CNTNAP4: variants seen among roughly 807,000 people sequenced by gnomAD.
CNTNAP4 encodes contactin associated protein family member 4, also known as contactin-associated protein-like 4.
In CNTNAP4, 98 loss-of-function variants were observed where a neutral mutation model predicts 148.4. The observed-to-expected ratio is 0.66, with a 90% CI of 0.56 to 0.78. The LOEUF is 0.78. CNTNAP4 is among the 30% of genes least tolerant of loss of function. The pLI is 0.00. For missense variants in CNTNAP4, 1,935 were observed against 1,565.6 expected (o/e 1.24, Z -3.98); for synonymous variants, 730 against 565.1 (o/e 1.29, Z -4.14).
At chr16:76,283,171 A>G (rs1768971480) in intron 1 of CNTNAP4, among the ~76,000 whole-genome samples, 1 of 151,958 alleles carries the variant, frequency 6.6e-6, no homozygotes, top group South Asian at 2.1e-4. Context: ...AAAATAGAAT[A>G]TCAGCTCTGC....
At chr16:76,553,054 CAT>C (rs1329085912) in intron 21 of CNTNAP4, among the ~76,000 whole-genome samples, 2 of 152,158 alleles carry the variant, frequency 1.3e-5, no homozygotes, top group Admixed American at 1.3e-4. Flanking sequence ...GGGAGCTTAC[CAT>C]ATCACTTTTA....
rs140181281 is a variant in CNTNAP4 at position 76,489,117 on chromosome 16, G to T, written c.1883-569G>T. Among the ~76,000 whole-genome samples the T allele has an allele frequency of 1.1e-3, 161 of 152,046 alleles. 1 individual carries two copies. Among genetic ancestry groups the T allele is most frequent in the African/African-American group, 3.7e-3 (153 of 41,476 alleles). ...GTTGATTAAGGAGAGGTATATAGAG[G>T]GCTACAAAATTTTGACTTTATTTTT... is the stretch of plus-strand genomic sequence containing the variant. On this transcript the variant is annotated intron_variant, in intron 12 of 23. Transcript: ENST00000611870.
In CNTNAP4 at chr16:76,522,068, G is replaced by C; in HGVS notation, c.2566G>C (p.Val856Leu). Reference sequence around the variant, plus strand: ...GACAGTAGTGACTTTTTCATTTGATGTGGGGAATGGGCCTTTTGAAATCTC... The same window carrying C: ...GACAGTAGTGACTTTTTCATTTGATCTGGGGAATGGGCCTTTTGAAATCTC... The part of the protein sequence containing the change: ...SPTVVTFSFD[V>L]GNGPFEISVQ... Residue 856 changes from valine (V) to leucine (L), a missense_variant, in exon 17 of 24, where the codon GTG becomes CTG. Coordinates refer to ENST00000611870, the MANE Select transcript of CNTNAP4 (RefSeq NM_033401.5). 6.2e-7 allele frequency: 1 copy of C among 1,613,882 alleles called. No homozygotes were observed. Among genetic ancestry groups the C allele is most frequent in the Non-Finnish European group, 8.5e-7 (1 of 1,179,824 alleles).
chr16:76,398,336 T>C (rs145082362), intron 3 of CNTNAP4, among the ~76,000 whole-genome samples: 14 of 152,112 alleles, frequency 9.2e-5, no homozygotes, highest in Admixed American at 2.0e-4. Flanking sequence ...ATACTTTGCA[T>C]CCTTCAGTCA....
intron 4 of CNTNAP4, among the ~76,000 whole-genome samples, chr16:76,446,562 T>C (rs1207571286): frequency 6.6e-6 from 1 of 152,116 alleles, no homozygotes; most frequent in African/African-American, 2.4e-5. Flanking sequence ...ATTTTGACAA[T>C]AAGTAGATAA....
Position 76,553,354 on chromosome 16 carries a change from C to A in CNTNAP4, c.3514C>A (p.Gln1172Lys). ...QGFTGCLSAV[Q>K]LSHVAPLKAA... is the part of the protein sequence containing the mutation. ...CTTCACAGGCTGCCTCTCTGCAGTGCAGCTCAGCCACGTGGCCCCTCTGAA... is the reference window on the plus strand; with the variant it reads ...CTTCACAGGCTGCCTCTCTGCAGTGAAGCTCAGCCACGTGGCCCCTCTGAA... The change falls in exon 22 of 24, where the codon CAG becomes AAG. Residue 1172 changes from glutamine (Q) to lysine (K), a missense_variant. By Grantham distance (53) the Gln-to-Lys change is moderately conservative. Coordinates refer to ENST00000611870, the MANE Select transcript of CNTNAP4 (RefSeq NM_033401.5). 1 of 1,612,806 alleles carries A rather than the reference C, an allele frequency of 6.2e-7. No homozygotes were observed. The highest frequency in any genetic ancestry group is 1.3e-5 in the African/African-American group (1 of 75,042).
intron 1 of CNTNAP4, among the ~76,000 whole-genome samples, chr16:76,284,249 C>G (rs920538746): frequency 6.6e-6 from 1 of 151,824 alleles, no homozygotes; most frequent in Non-Finnish European, 1.5e-5. Flanking sequence ...GTGGTGGTGG[C>G]ATGCAAATTC....
intron 3 of CNTNAP4, among the ~76,000 whole-genome samples, chr16:76,408,808 G>T (rs1215746514): frequency 6.6e-6 from 1 of 151,784 alleles, no homozygotes; most frequent in Non-Finnish European, 1.5e-5. Context: ...GAATTTCTTA[G>T]TAAGGACTAT....
rs754954448 is a variant in CNTNAP4 at position 76,558,628 on chromosome 16, G to C, written c.3872G>C (p.Ser1291Thr). 1 of 1,613,218 alleles carries C rather than the reference G, an allele frequency of 6.2e-7. No individual in the cohort carries two copies. Among genetic ancestry groups the C allele is most frequent in the East Asian group, 2.2e-5 (1 of 44,858 alleles). ...NVDSAEAVLK[S>T]ELNIQNAVNE... ...GACAGTGCTGAGGCTGTTCTGAAAA[G>C]TGAGCTTAATATACAAAATGCAGTC... The change falls in exon 24 of 24, where the codon AGT becomes ACT. Residue 1291 changes from serine (S) to threonine (T), a missense_variant. Physicochemically the swap from Ser to Thr is moderately conservative, Grantham distance 58. Transcript: ENST00000611870.
intron 2 of CNTNAP4, among the ~76,000 whole-genome samples, chr16:76,323,128 T>G (rs1159139716): frequency 1.3e-5 from 2 of 152,184 alleles, no homozygotes; most frequent in Non-Finnish European, 2.9e-5. Flanking sequence ...GTTACACGCC[T>G]GAGCCACTGT....
intron 3 of CNTNAP4, among the ~76,000 whole-genome samples, chr16:76,416,320 T>A (rs926858798): frequency 2.0e-5 from 3 of 151,426 alleles, no homozygotes; most frequent in Non-Finnish European, 4.4e-5. Context: ...GCTTCAATTC[T>A]AAATTCTCTA....
At chr16:76,297,141 TACA>T (rs1395374418) in intron 1 of CNTNAP4, among the ~76,000 whole-genome samples, 2 of 152,198 alleles carry the variant, frequency 1.3e-5, no homozygotes, top group Non-Finnish European at 2.9e-5. Flanking sequence ...GAATTGCAAG[TACA>T]ACAAAACAAA....
intron 12 of CNTNAP4, among the ~76,000 whole-genome samples, chr16:76,481,637 T>A (rs2081832897): frequency 6.6e-6 from 1 of 152,118 alleles, no homozygotes; most frequent in African/African-American, 2.4e-5. Flanking sequence ...TTGCTGAAAG[T>A]TACAATGAAC....
chr16:76,544,830 G>A (rs543221298), intron 21 of CNTNAP4, among the ~76,000 whole-genome samples: 55 of 152,244 alleles, frequency 3.6e-4, no homozygotes, highest in African/African-American at 1.3e-3. Flanking sequence ...GGGCTGCAGA[G>A]CCAAGATGTA....
chr16:76,431,287 A>G (rs548361593), intron 4 of CNTNAP4, among the ~76,000 whole-genome samples: 16 of 152,302 alleles, frequency 1.1e-4, no homozygotes, highest in Admixed American at 1.0e-3. Flanking sequence ...GCTATGGGTT[A>G]GAGGGTGAAA....
At chr16:76,349,045 C>T (rs537847032) in intron 2 of CNTNAP4, among the ~76,000 whole-genome samples, 192 of 152,096 alleles carry the variant, frequency 1.3e-3, no homozygotes, top group African/African-American at 4.6e-3. Context: ...GCAAGGGGCC[C>T]AACGAATGTC....
intron 5 of CNTNAP4, 64 bp downstream of exon 5, chr16:76,448,279 GC>G (rs1444108497): frequency 1.2e-5 from 13 of 1,124,714 alleles, no homozygotes; most frequent in Non-Finnish European, 1.7e-5. Context: ...GTCACTTTAT[GC>G]TTTTATAGCT....
chr16:76,550,223 T>C (rs561151764), intron 21 of CNTNAP4, among the ~76,000 whole-genome samples: 129 of 152,342 alleles, frequency 8.5e-4, no homozygotes, highest in African/African-American at 3.0e-3. Flanking sequence ...GTTTTCTTCA[T>C]AGTATTATCA....
At chr16:76,385,577 T>G (rs969871900) in intron 3 of CNTNAP4, among the ~76,000 whole-genome samples, 6 of 146,930 alleles carry the variant, frequency 4.1e-5, no homozygotes, top group Admixed American at 1.4e-4. Flanking sequence ...TGTGTGTGTG[T>G]AGAGAGAGTG....
Sources: gnomAD v4.1 joint callset for allele counts (sites outside exome capture counted in the v4.1 genomes callset) on GRCh38, gnomAD v4.1.1 for gene constraint, MANE v1.5 for transcripts, NCBI Gene and HGNC (gene_info 2026-07-23, HGNC 2026-07-21) for gene names.